Variants in EBF1 observed in about 807,000 individuals in gnomAD.
EBF1 encodes transcription factor COE1.
In EBF1, 10 loss-of-function variants were observed where a neutral mutation model predicts 68.4. The observed-to-expected ratio is 0.15, with a 90% CI of 0.09 to 0.25. The LOEUF (loss-of-function observed/expected upper bound fraction) is 0.25. Among genes scored for constraint, EBF1 ranks in the 10% least tolerant of loss-of-function variants. EBF1 has a pLI of 1.00. For synonymous variants in EBF1, 298 were observed against 299.8 expected, an observed-to-expected ratio of 0.99 and a Z score of 0.06; for missense variants, 509 against 794.4, an observed-to-expected ratio of 0.64 and a Z score of 4.32.
At chr5:159,061,609 A>G (rs1249131495) in intron 6 of EBF1, among the ~76,000 whole-genome samples, 1 of 152,168 alleles carries the variant, frequency 6.6e-6, no homozygotes, top group African/African-American at 2.4e-5. Flanking sequence ...CTCCAGAGGG[A>G]GGTCCGAGAT....
intron 6 of EBF1, among the ~76,000 whole-genome samples, chr5:158,859,240 T>C (rs1794586236): frequency 2.0e-5 from 3 of 152,202 alleles, no homozygotes; most frequent in Non-Finnish European, 4.4e-5. Context: ...ATATGGCCCA[T>C]GTTCACTGGA....
At chr5:158,709,752 A>ACATCT (rs1426801125) in intron 14 of EBF1, among the ~76,000 whole-genome samples, 4 of 152,196 alleles carry the variant, frequency 2.6e-5, no homozygotes, top group African/African-American at 9.7e-5. Flanking sequence ...GCATTTTTAT[A>ACATCT]CATCTCTTAG....
chr5:159,000,845 A>G (rs561944889), intron 6 of EBF1, among the ~76,000 whole-genome samples: 1 of 152,330 alleles, frequency 6.6e-6, no homozygotes, highest in East Asian at 1.9e-4. Context: ...TTCATAGTGA[A>G]AGATATACCA....
At chr5:159,038,448 C>G (rs779871181) in intron 6 of EBF1, among the ~76,000 whole-genome samples, 1 of 152,164 alleles carries the variant, frequency 6.6e-6, no homozygotes, top group Non-Finnish European at 1.5e-5. Flanking sequence ...CATTAAGACT[C>G]ACGGTCAAAA....
At chr5:158,937,414 C>A (rs1812251216) in intron 6 of EBF1, among the ~76,000 whole-genome samples, 1 of 152,110 alleles carries the variant, frequency 6.6e-6, no homozygotes, top group Admixed American at 6.5e-5. Flanking sequence ...AAGAGAACAG[C>A]AGCAGGAGCT....
At chr5:158,768,206 A>G (rs965517817) in intron 10 of EBF1, among the ~76,000 whole-genome samples, 4 of 152,090 alleles carry the variant, frequency 2.6e-5, no homozygotes, top group African/African-American at 7.2e-5. Context: ...TGGGTTTTTC[A>G]GAAAGAAAAA....
intron 11 of EBF1, among the ~76,000 whole-genome samples, chr5:158,720,047 T>TTA (rs1167942906): frequency 6.6e-6 from 1 of 152,168 alleles, no homozygotes; most frequent in East Asian, 1.9e-4. Flanking sequence ...CTACTTTGCT[T>TTA]TATCAGGGGA....
chr5:158,703,390 G>A (rs964134773), intron 15 of EBF1, among the ~76,000 whole-genome samples: 1 of 152,112 alleles, frequency 6.6e-6, no homozygotes, highest in Non-Finnish European at 1.5e-5. Flanking sequence ...TTCTTAACAT[G>A]CAGAAAAGGA....
chr5:158,944,838 C>T (rs1814289510), intron 6 of EBF1, among the ~76,000 whole-genome samples: 2 of 152,142 alleles, frequency 1.3e-5, no homozygotes, highest in South Asian at 4.1e-4. Flanking sequence ...AGCTTTTATT[C>T]ATATGTTTGT....
intron 6 of EBF1, among the ~76,000 whole-genome samples, chr5:159,040,123 G>A (rs1228552839): frequency 6.6e-6 from 1 of 152,104 alleles, no homozygotes; most frequent in African/African-American, 2.4e-5. Context: ...TGTGAGTGAG[G>A]GGTGCTTGCT....
At chr5:158,728,580 T>C (rs752500224) in intron 11 of EBF1, among the ~76,000 whole-genome samples, 1 of 152,182 alleles carries the variant, frequency 6.6e-6, no homozygotes, top group Non-Finnish European at 1.5e-5. Context: ...TATTTTTCTT[T>C]GAGACAGGGT....
At chr5:158,860,656 G>T (rs1325804667) in intron 6 of EBF1, among the ~76,000 whole-genome samples, 1 of 152,204 alleles carries the variant, frequency 6.6e-6, no homozygotes, top group Non-Finnish European at 1.5e-5. Context: ...AGCCAACGTG[G>T]TCAGCTTGAA....
chr5:158,787,796 TATCA>T (rs1777760426), intron 9 of EBF1, among the ~76,000 whole-genome samples: 2 of 152,322 alleles, frequency 1.3e-5, no homozygotes, highest in South Asian at 2.1e-4. Context: ...GCATCACTTG[TATCA>T]ATCAGTCAAC....
intron 5 of EBF1, among the ~76,000 whole-genome samples, chr5:159,084,406 G>C (rs1002687700): frequency 6.6e-6 from 1 of 152,078 alleles, no homozygotes; most frequent in African/African-American, 2.4e-5. Flanking sequence ...GGAAGGCAGT[G>C]CTTTGTGCCC....
chr5:158,893,882 A>C (rs1801671371), intron 6 of EBF1, among the ~76,000 whole-genome samples: 1 of 152,168 alleles, frequency 6.6e-6, no homozygotes, highest in Non-Finnish European at 1.5e-5. Flanking sequence ...CGGGGACCAA[A>C]TTACAGTTTC....
At chr5:158,784,273 G>T (rs1776988226) in intron 9 of EBF1, among the ~76,000 whole-genome samples, 1 of 152,200 alleles carries the variant, frequency 6.6e-6, no homozygotes, top group South Asian at 2.1e-4. Context: ...TGGCCAGTCG[G>T]CCTGACTAAT....
rs1561992371 is a variant in EBF1 at position 159,089,815 on chromosome 5, G to GAAA, written c.412-5077_412-5076insTTT. Among the ~76,000 whole-genome samples, 331 of 137,382 alleles carry GAAA rather than the reference G, an allele frequency of 2.4e-3. 1 individual carries two copies. Among genetic ancestry groups the GAAA allele is most frequent in the African/African-American group, 8.4e-3 (314 of 37,352 alleles). 90.1% of individuals were successfully genotyped at this position (137,382 alleles called of 152,430 possible). A position where few individuals can be genotyped will look rare whatever the true frequency, so the allele number is the denominator to read the frequency against. On this transcript the variant is annotated intron_variant, in intron 4 of 15. Coordinates refer to ENST00000313708, the MANE Select transcript of EBF1 (RefSeq NM_024007.5). ...AAGAAAAGAAGAAAGAAAGAAAGAA[G>GAAA]GAAAGAAAGAAAGAAGAAAAGAAAA...
At chr5:158,769,121 A>G (rs769391075) in intron 10 of EBF1, among the ~76,000 whole-genome samples, 7 of 152,154 alleles carry the variant, frequency 4.6e-5, no homozygotes, top group Non-Finnish European at 8.8e-5. Flanking sequence ...TAATAACCAA[A>G]TCTCATGCCT....
intron 8 of EBF1, among the ~76,000 whole-genome samples, chr5:158,821,350 G>C (rs1784787649): frequency 6.6e-6 from 1 of 152,180 alleles, no homozygotes; most frequent in Non-Finnish European, 1.5e-5. Flanking sequence ...TGCCTAGAGG[G>C]ATCCTTTAGA....
Sources: allele counts gnomAD v4.1 joint callset (sites outside exome capture counted in the v4.1 genomes callset), GRCh38; gene constraint gnomAD v4.1.1; transcripts MANE v1.5; gene names NCBI Gene and HGNC (gene_info 2026-07-23, HGNC 2026-07-21).